The following SNAP47 variants were observed in gnomAD, a reference collection of about 807,000 sequenced individuals.
SNAP47 encodes synaptosomal-associated protein 47.
A neutral mutation model predicts 31.4 loss-of-function variants in SNAP47; 20 were observed. The ratio of observed to expected loss-of-function variants is 0.64; its 90% CI spans 0.45 to 0.93. SNAP47 has a LOEUF of 0.93. SNAP47 is among the 40% of genes least tolerant of loss of function. SNAP47 has a pLI of 0.00. For synonymous variants in SNAP47, 194 were observed against 213.4 expected, an observed-to-expected ratio of 0.91 and a Z score of 0.79; for missense variants, 492 against 528.5, an observed-to-expected ratio of 0.93 and a Z score of 0.68.
intron 3 of SNAP47, among the ~76,000 whole-genome samples, chr1:227,761,846 C>T (rs770698677): frequency 2.6e-5 from 4 of 152,126 alleles, no homozygotes; most frequent in Admixed American, 1.3e-4. Context: ...CTGGCTGCAC[C>T]GTGGTGGCGA....
In SNAP47 at chr1:227,759,129, T is replaced by C. The variant is rs762222764; in HGVS notation, c.632T>C (p.Ile211Thr). The change falls in exon 3 of 5, where the codon ATA (isoleucine) becomes ACA (threonine). Residue 211 changes from isoleucine (I) to threonine (T), a missense_variant. By Grantham distance (89) the Ile-to-Thr change is moderately conservative (BLOSUM62 -1). Coordinates refer to ENST00000617596, the MANE Select transcript of SNAP47 (RefSeq NM_053052.4). ...CCCTTTGGGAAAGAAGGGATACTGA[T>C]AAAAATTCCTGCTGTTATTTCCCAC... The part of the protein sequence containing the change: ...CEPFGKEGIL[I>T]KIPAVISHRT... 1.9e-6 allele frequency: 3 copies of C among 1,614,042 alleles called. No individual in the cohort carries two copies. Among genetic ancestry groups the C allele is most frequent in the Admixed American group, 3.3e-5 (2 of 60,006 alleles).
chr1:227,767,593 T>C (rs1007490679), intron 4 of SNAP47, among the ~76,000 whole-genome samples: 9 of 152,190 alleles, frequency 5.9e-5, no homozygotes, highest in African/African-American at 2.2e-4. Context: ...GTGTGTGCTG[T>C]GCATGTGGTG....
intron 1 of SNAP47, among the ~76,000 whole-genome samples, chr1:227,736,668 T>C (rs1661206386): frequency 1.3e-5 from 2 of 148,916 alleles, no homozygotes; most frequent in South Asian, 4.3e-4. Context: ...CCCAGCTTAG[T>C]TTTGTTTTTT....
upstream of SNAP47, chr1:227,734,205 C>T (rs1660894252): frequency 2.9e-6 from 2 of 693,086 alleles, no homozygotes; most frequent in African/African-American, 1.8e-5. Context: ...GGGGAGGGGG[C>T]GGGGCAGTCT....
upstream of SNAP47, chr1:227,735,209 C>A (rs763077158): frequency 1.9e-6 from 3 of 1,585,596 alleles, no homozygotes; most frequent in East Asian, 2.3e-5. Flanking sequence ...CTGGCCGACG[C>A]CGGGGACATC....
rs193282379 is a variant in SNAP47 at position 227,748,458 on chromosome 1, G to A, written c.497+225G>A. The stretch of plus-strand genomic sequence containing the variant: ...CGGTACACTCTGCTGGAAACACACC[G>A]TGAGATCTGAGTGAGTGCTGGCTCA... On this transcript the variant is annotated intron_variant, in intron 2 of 4. Transcript: ENST00000617596. 3.3e-4 allele frequency among the ~76,000 whole-genome samples: 50 copies of A among 152,376 alleles called. No individual in the cohort carries two copies. In the East Asian group the frequency reaches 5.8e-3, roughly 18 times the overall value.
chr1:227,753,203 A>G (rs563377359), intron 2 of SNAP47, among the ~76,000 whole-genome samples: 6 of 152,146 alleles, frequency 3.9e-5, no homozygotes, highest in African/African-American at 1.2e-4. Context: ...TGCTGCAGTG[A>G]ACTTGGGAGT....
intron 2 of SNAP47, among the ~76,000 whole-genome samples, chr1:227,751,764 TTTTTTTTTTTTTTTTTTG>T (rs1305524574): frequency 8.4e-6 from 1 of 118,578 alleles, no homozygotes; most frequent in Non-Finnish European, 1.7e-5. Flanking sequence ...TTTTTTTTTT[TTTTTTTTTTTTTTTTTTG>T]AGACGGAGTC....
At chr1:227,775,385 G>A (rs1664093546) in intron 4 of SNAP47, among the ~76,000 whole-genome samples, 5 of 152,164 alleles carry the variant, frequency 3.3e-5, no homozygotes, top group Admixed American at 3.3e-4. Context: ...TCCTCAGTGA[G>A]TCAGCTTAAT....
At chr1:227,750,150 C>T (rs576532687) in intron 2 of SNAP47, among the ~76,000 whole-genome samples, 1 of 152,380 alleles carries the variant, frequency 6.6e-6, no homozygotes, top group East Asian at 1.9e-4. Context: ...CAGAGCTTTG[C>T]TGGCACAAGG....
chr1:227,734,763 G>A (rs755049145), upstream of SNAP47: 5 of 1,614,084 alleles, frequency 3.1e-6, no homozygotes, highest in African/African-American at 1.3e-5. Context: ...TGCTCTTTGG[G>A]GTTCGAGTTG....
At position 227,735,473 on chromosome 1, in the gene SNAP47, C is replaced by T. The variant is rs1344156896; in HGVS notation, c.-72C>T. On this transcript the variant is annotated 5_prime_UTR_variant, in exon 1 of 5. Transcript: ENST00000617596. Reference sequence around the variant, plus strand: ...CGAGCGGCCGAGGCGCCGCGGTCGGCTCTGGGACTCGTCTGGCGTCCCTCA... The same window carrying T: ...CGAGCGGCCGAGGCGCCGCGGTCGGTTCTGGGACTCGTCTGGCGTCCCTCA... 2 of 1,429,922 alleles carry T rather than the reference C, an allele frequency of 1.4e-6. No homozygotes were observed. Among genetic ancestry groups the T allele is most frequent in the East Asian group, 2.7e-5 (1 of 37,280 alleles). 88.6% of individuals were successfully genotyped at this position (1,429,922 alleles called of 1,614,324 possible).
chr1:227,747,763 C>T lies in SNAP47; in HGVS notation c.27C>T (p.Thr9=), dbSNP rs1232381586. ...TGAGCAGGGATGTCTGCATCCACAC[C>T]TGGCCGTGCACCTACTACCTGGAGC... is the stretch of plus-strand genomic sequence containing the variant. MSRDVCIH[T]WPCTYYLEPK... The change falls in exon 2 of 5, where the codon ACC becomes ACT. Residue 9 remains threonine (T), a synonymous_variant. Transcript: ENST00000617596. 1 of 1,614,094 alleles carries T rather than the reference C, an allele frequency of 6.2e-7. No individual in the cohort carries two copies.
At chr1:227,732,448 G>T (rs753714968), upstream of SNAP47, 2 of 1,613,188 alleles carry the variant, frequency 1.2e-6, no homozygotes, top group Non-Finnish European at 8.5e-7. Context: ...AGCTCTTTGG[G>T]CTGTGGTGAG....
At chr1:227,779,399 G>A (rs929864021) in intron 4 of SNAP47, among the ~76,000 whole-genome samples, 4 of 152,266 alleles carry the variant, frequency 2.6e-5, no homozygotes, top group Admixed American at 1.3e-4. Flanking sequence ...TGGGCGGAGC[G>A]TGGGGAGGCT....
intron 4 of SNAP47, among the ~76,000 whole-genome samples, chr1:227,777,624 T>G (rs572409807): frequency 6.6e-6 from 1 of 152,354 alleles, no homozygotes; most frequent in South Asian, 2.1e-4. Context: ...CAAATGGTAC[T>G]CTATGTCTAT....
intron 2 of SNAP47, among the ~76,000 whole-genome samples, chr1:227,751,707 CAA>C (rs1325514028): frequency 1.5e-5 from 2 of 133,128 alleles, no homozygotes; most frequent in East Asian, 4.5e-4. Flanking sequence ...GTCAGAAAAA[CAA>C]TGCGAAGGAA....
intron 1 of SNAP47, among the ~76,000 whole-genome samples, chr1:227,736,729 C>T (rs1208434814): frequency 6.8e-6 from 1 of 146,396 alleles, no homozygotes; most frequent in African/African-American, 2.5e-5. Context: ...TCTGTGTTGC[C>T]CAAGCCGGTG....
At chr1:227,735,076 G>A (rs755761466), upstream of SNAP47, 77 of 1,563,976 alleles carry the variant, frequency 4.9e-5, no homozygotes, top group Non-Finnish European at 6.2e-5. Flanking sequence ...GCCGCCGGCT[G>A]CCCCAGCCCT....
Sources: gnomAD v4.1 joint callset for allele counts (sites outside exome capture counted in the v4.1 genomes callset) on GRCh38, gnomAD v4.1.1 for gene constraint, MANE v1.5 for transcripts, NCBI Gene and HGNC (gene_info 2026-07-23, HGNC 2026-07-21) for gene names.